Variants in DDX10 observed in about 807,000 individuals in gnomAD.
The protein encoded by DDX10 is probable ATP-dependent RNA helicase DDX10.
DDX10 carries 74 observed loss-of-function variants against 104.3 expected under a neutral mutation model. That is an observed-to-expected ratio of 0.71 (90% confidence interval 0.59 to 0.86). The LOEUF (loss-of-function observed/expected upper bound fraction) is 0.86, where lower values mean the gene tolerates loss of function less well. Ranked by LOEUF, DDX10 falls within the 40% of genes least tolerant of loss-of-function variation. The pLI is 0.00. For missense variants in DDX10, 952 were observed against 1,040.0 expected, an observed-to-expected ratio of 0.92 and a Z score of 1.16; for synonymous variants, 351 against 353.4, an observed-to-expected ratio of 0.99 and a Z score of 0.08.
At chr11:108,855,947 G>A (rs1209569897) in intron 16 of DDX10, among the ~76,000 whole-genome samples, 1 of 152,156 alleles carries the variant, frequency 6.6e-6, no homozygotes, top group African/African-American at 2.4e-5. Context: ...TGAGGTTGAA[G>A]TTTTATAGAT....
intron 16 of DDX10, among the ~76,000 whole-genome samples, chr11:108,854,611 C>T (rs952318225): frequency 6.6e-6 from 1 of 152,170 alleles, no homozygotes; most frequent in Non-Finnish European, 1.5e-5. Context: ...GCAATCACTG[C>T]ATAGAAACTG....
intron 1 of DDX10, among the ~76,000 whole-genome samples, chr11:108,667,471 A>G (rs950967993): frequency 1.3e-5 from 2 of 152,196 alleles, no homozygotes; most frequent in African/African-American, 4.8e-5. Flanking sequence ...AGAGTAAGTT[A>G]TTTGTGGTCA....
intron 6 of DDX10, among the ~76,000 whole-genome samples, chr11:108,687,365 G>A (rs1315304503): frequency 2.0e-5 from 3 of 152,126 alleles, no homozygotes; most frequent in Admixed American, 2.0e-4. Context: ...AGAGTGCAGT[G>A]TAGCATGATC....
At chr11:108,803,117 C>T (rs902830137) in intron 13 of DDX10, among the ~76,000 whole-genome samples, 7 of 152,160 alleles carry the variant, frequency 4.6e-5, no homozygotes, top group Admixed American at 2.0e-4. Context: ...TTCACAGTTT[C>T]TTTTTTTCTT....
At chr11:108,688,804 T>C (rs2094248035) in intron 6 of DDX10, 132 bp from the exon 7 acceptor site, 2 of 886,320 alleles carry the variant, frequency 2.3e-6, no homozygotes, top group South Asian at 2.0e-5. Flanking sequence ...GAAAAATTCT[T>C]TTTTTGGTGT....
At chr11:108,927,921 G>C (rs984696335) in intron 17 of DDX10, among the ~76,000 whole-genome samples, 3 of 152,366 alleles carry the variant, frequency 2.0e-5, no homozygotes, top group Admixed American at 1.3e-4. Context: ...TTATAGGCGT[G>C]AGCCACCGTG....
chr11:108,869,411 CAT>C (rs1424372433), intron 16 of DDX10, among the ~76,000 whole-genome samples: 3 of 152,038 alleles, frequency 2.0e-5, no homozygotes, highest in Non-Finnish European at 4.4e-5. Flanking sequence ...ACTTCAGAAA[CAT>C]ATTTGAAATA....
At chr11:108,674,545 C>G (rs1206221007) in intron 2 of DDX10, among the ~76,000 whole-genome samples, 2 of 150,966 alleles carry the variant, frequency 1.3e-5, no homozygotes, top group Non-Finnish European at 2.9e-5. Flanking sequence ...GGGTCTTGCT[C>G]CGTCACCCAG....
chr11:108,888,031 C>G (rs973521582), intron 16 of DDX10, among the ~76,000 whole-genome samples: 1 of 151,580 alleles, frequency 6.6e-6, no homozygotes, highest in Non-Finnish European at 1.5e-5. Flanking sequence ...ATGGGTATTA[C>G]TTGTCTGAGA....
chr11:108,937,173 A>G (rs962423635), intron 17 of DDX10, among the ~76,000 whole-genome samples: 3 of 152,156 alleles, frequency 2.0e-5, no homozygotes. Context: ...GAAATGCCCA[A>G]GTGTCTGCCG....
chr11:108,881,226 G>A (rs1046553136), intron 16 of DDX10, among the ~76,000 whole-genome samples: 1 of 152,090 alleles, frequency 6.6e-6, no homozygotes, highest in Admixed American at 6.6e-5. Context: ...TCCAAGATGG[G>A]GAGGCTGTTA....
intron 12 of DDX10, among the ~76,000 whole-genome samples, chr11:108,721,953 G>A (rs1393204787): frequency 6.6e-6 from 1 of 152,184 alleles, no homozygotes; most frequent in African/African-American, 2.4e-5. Context: ...TGGTGATGGT[G>A]ATGACATCAA....
intron 13 of DDX10, among the ~76,000 whole-genome samples, chr11:108,810,032 C>T (rs1270198913): frequency 6.6e-6 from 1 of 152,198 alleles, no homozygotes; most frequent in South Asian, 2.1e-4. Context: ...TATATTGTTT[C>T]TTAGGTCATT....
intron 12 of DDX10, among the ~76,000 whole-genome samples, chr11:108,720,646 A>G (rs1037781767): frequency 6.6e-6 from 1 of 152,108 alleles, no homozygotes; most frequent in Non-Finnish European, 1.5e-5. Flanking sequence ...GCCATAGTGC[A>G]GTGGTGTGAT....
chr11:108,879,043 C>G (rs188277433), intron 16 of DDX10, among the ~76,000 whole-genome samples: 1 of 151,996 alleles, frequency 6.6e-6, no homozygotes, highest in Non-Finnish European at 1.5e-5. Flanking sequence ...CTTGCTCTGT[C>G]GCCAGGCTGG....
intron 16 of DDX10, among the ~76,000 whole-genome samples, chr11:108,853,252 A>G (rs1862819801): frequency 6.6e-6 from 1 of 152,212 alleles, no homozygotes; most frequent in Admixed American, 6.5e-5. Context: ...CAGAACCACC[A>G]CTAGATCTCA....
At chr11:108,748,085 A>C (rs61914038) in intron 13 of DDX10, among the ~76,000 whole-genome samples, 3,683 of 152,296 alleles carry the variant, frequency 0.024, 58 homozygotes, top group Non-Finnish European at 0.034. Context: ...AAAACTAAGC[A>C]GATTTTAGAA....
intron 9 of DDX10, among the ~76,000 whole-genome samples, chr11:108,701,734 T>C (rs2094268523): frequency 1.6e-5 from 2 of 123,558 alleles, no homozygotes; most frequent in Admixed American, 1.2e-4. Flanking sequence ...TCGCCCAGAG[T>C]GGAGTGCAGT....
chr11:108,888,795 A>C (rs1213743016), intron 16 of DDX10, among the ~76,000 whole-genome samples: 2 of 151,908 alleles, frequency 1.3e-5, no homozygotes, highest in Non-Finnish European at 2.9e-5. Context: ...AAAAAAAAAA[A>C]ACCACTTTTT....
Sources: allele counts gnomAD v4.1 joint callset (sites outside exome capture counted in the v4.1 genomes callset), GRCh38; gene constraint gnomAD v4.1.1; transcripts MANE v1.5; gene names NCBI Gene and HGNC (gene_info 2026-07-23, HGNC 2026-07-21).